Variants in ARHGEF3 observed in about 807,000 individuals in gnomAD.
ARHGEF3 encodes 59.8 kDA protein.
In ARHGEF3, 28 loss-of-function variants were observed where a neutral mutation model predicts 63.2. The ratio of observed to expected loss-of-function variants is 0.44; its 90% confidence interval spans 0.33 to 0.61. The LOEUF is 0.61. ARHGEF3 is among the 20% of genes least tolerant of loss of function. The pLI, the probability that ARHGEF3 is intolerant of heterozygous loss-of-function variation, is 0.03. For missense variants in ARHGEF3, 533 were observed against 659.3 expected (o/e 0.81, Z 2.10); for synonymous variants, 266 against 254.2 (o/e 1.05, Z -0.44).
chr3:57,033,785 C>T (rs1985904), intron 2 of ARHGEF3, among the ~76,000 whole-genome samples: 125 of 151,962 alleles, frequency 8.2e-4, no homozygotes, highest in African/African-American at 2.7e-3. Context: ...TGGCTCATGC[C>T]TGTAATCCCA....
intron 4 of ARHGEF3, among the ~76,000 whole-genome samples, chr3:56,868,341 A>G (rs2040323638): frequency 1.3e-5 from 2 of 150,398 alleles, no homozygotes; most frequent in Non-Finnish European, 3.0e-5. Flanking sequence ...GTTAATTTCA[A>G]GGATATTCTT....
At chr3:56,753,721 G>A (rs887513951) in intron 3 of ARHGEF3, among the ~76,000 whole-genome samples, 155 bp from the exon 4 acceptor site, 1 of 152,164 alleles carries the variant, frequency 6.6e-6, no homozygotes, top group African/African-American at 2.4e-5. Flanking sequence ...GCTTAAACCT[G>A]CAATGAAAAG....
At chr3:56,930,525 T>G (rs2042383314) in intron 3 of ARHGEF3, among the ~76,000 whole-genome samples, 1 of 152,174 alleles carries the variant, frequency 6.6e-6, no homozygotes, top group Non-Finnish European at 1.5e-5. Flanking sequence ...GATAGATTTT[T>G]GACGAGAACT....
At chr3:56,859,533 A>G (rs1355153316) in intron 4 of ARHGEF3, among the ~76,000 whole-genome samples, 11 of 143,662 alleles carry the variant, frequency 7.7e-5, no homozygotes, top group Admixed American at 2.1e-4. Flanking sequence ...CCCTTGGTAC[A>G]CCTTTTTTTT....
chr3:56,919,474 C>G (rs1174031671), intron 3 of ARHGEF3, among the ~76,000 whole-genome samples: 3 of 152,212 alleles, frequency 2.0e-5, no homozygotes, highest in African/African-American at 7.2e-5. Flanking sequence ...CTGTCACGCA[C>G]ATTTTTGACC....
At chr3:57,058,676 A>G (rs547117638) in intron 1 of ARHGEF3, among the ~76,000 whole-genome samples, 1 of 152,130 alleles carries the variant, frequency 6.6e-6, no homozygotes, top group Non-Finnish European at 1.5e-5. Context: ...TCATGCTGCT[A>G]TAAAGACACA....
At chr3:56,826,535 C>A (rs909557107) in intron 4 of ARHGEF3, among the ~76,000 whole-genome samples, 7 of 152,120 alleles carry the variant, frequency 4.6e-5, no homozygotes, top group African/African-American at 1.4e-4. Context: ...CCCATGAGGG[C>A]TAAGGAATTA....
chr3:56,743,283 G>A (rs1404227881), intron 7 of ARHGEF3, among the ~76,000 whole-genome samples: 1 of 152,162 alleles, frequency 6.6e-6, no homozygotes, highest in African/African-American at 2.4e-5. Flanking sequence ...CTACTTGGAG[G>A]CACCCAGCCC....
At chr3:57,021,758 A>C (rs1703269008) in intron 2 of ARHGEF3, among the ~76,000 whole-genome samples, 1 of 151,962 alleles carries the variant, frequency 6.6e-6, no homozygotes, top group Non-Finnish European at 1.5e-5. Context: ...TCTCAAAAAA[A>C]AAAAAAAAAT....
At chr3:56,785,334 AG>A (rs2036749834) in intron 1 of ARHGEF3, among the ~76,000 whole-genome samples, 1 of 152,148 alleles carries the variant, frequency 6.6e-6, no homozygotes, top group African/African-American at 2.4e-5. Flanking sequence ...TAAAATCTCA[AG>A]ATAAGGACCC....
chr3:56,847,035 A>T (rs1011412429), intron 4 of ARHGEF3, among the ~76,000 whole-genome samples: 3 of 152,212 alleles, frequency 2.0e-5, no homozygotes, highest in African/African-American at 7.2e-5. Flanking sequence ...GAATGGATGG[A>T]TGAAGAAACA....
At chr3:56,872,804 G>A (rs1383396599) in intron 4 of ARHGEF3, among the ~76,000 whole-genome samples, 1 of 152,018 alleles carries the variant, frequency 6.6e-6, no homozygotes, top group Non-Finnish European at 1.5e-5. Context: ...CACTGTGCCT[G>A]GCCTCATATA....
At chr3:56,863,271 G>A (rs911894135) in intron 4 of ARHGEF3, among the ~76,000 whole-genome samples, 32 of 151,250 alleles carry the variant, frequency 2.1e-4, no homozygotes, top group African/African-American at 7.5e-4. Flanking sequence ...CCGAGTAGCT[G>A]GGATTCAGGT....
chr3:56,871,885 G>A (rs1484736480), intron 4 of ARHGEF3, among the ~76,000 whole-genome samples: 4 of 152,122 alleles, frequency 2.6e-5, no homozygotes, highest in Non-Finnish European at 5.9e-5. Context: ...CAGTATGAAT[G>A]GAGGCTACAG....
chr3:56,927,600 G>T (rs953373460), intron 3 of ARHGEF3, among the ~76,000 whole-genome samples: 2 of 152,204 alleles, frequency 1.3e-5, no homozygotes, highest in Non-Finnish European at 2.9e-5. Context: ...CTGAGGAGGG[G>T]AGCCCCAGGA....
At chr3:56,750,670 G>GTT (rs79472923) in intron 6 of ARHGEF3, among the ~76,000 whole-genome samples, 13 of 109,886 alleles carry the variant, frequency 1.2e-4, no homozygotes, top group Middle Eastern at 5.3e-3. Context: ...AGCATGACAA[G>GTT]TTTTTTTTTT....
chr3:56,983,452 T>TG, intron 2 of ARHGEF3, among the ~76,000 whole-genome samples: 1 of 152,194 alleles, frequency 6.6e-6, no homozygotes, highest in Admixed American at 6.5e-5. Flanking sequence ...CCTGGCCTGG[T>TG]GTATATCCTT....
At chr3:56,903,054 T>G (rs1430223094) in intron 3 of ARHGEF3, among the ~76,000 whole-genome samples, 1 of 139,742 alleles carries the variant, frequency 7.2e-6, no homozygotes, top group Non-Finnish European at 1.5e-5. Flanking sequence ...CTTCTGTGTG[T>G]CCCCTCTCTA....
chr3:56,766,524 C>A (rs760485048), intron 2 of ARHGEF3, among the ~76,000 whole-genome samples: 9 of 152,172 alleles, frequency 5.9e-5, no homozygotes, highest in African/African-American at 2.2e-4. Context: ...CTTTTCTAGT[C>A]ATAACGGTGA....
Sources: allele counts gnomAD v4.1 joint callset (sites outside exome capture counted in the v4.1 genomes callset), GRCh38; gene constraint gnomAD v4.1.1; transcripts MANE v1.5; gene names NCBI Gene and HGNC (gene_info 2026-07-23, HGNC 2026-07-21).